ZNF225: variants seen among roughly 807,000 people sequenced by gnomAD.
ZNF225 encodes the protein zinc finger protein 225.
Under a neutral mutation model 12.0 loss-of-function variants are expected in ZNF225, and 6 were observed. That is an observed-to-expected ratio of 0.50 (90% CI 0.27 to 0.98). ZNF225 has a LOEUF of 0.98. Ranked by LOEUF, ZNF225 falls within the 50% of genes least tolerant of loss-of-function variation. The pLI, the probability that ZNF225 is intolerant of heterozygous loss-of-function variation, is 0.11. For synonymous variants in ZNF225, 271 were observed against 283.2 expected, an observed-to-expected ratio of 0.96 and a Z score of 0.43; for missense variants, 763 against 848.2, an observed-to-expected ratio of 0.90 and a Z score of 1.25.
chr19:44,130,950 C>G lies in ZNF225; in HGVS notation c.336C>G (p.Thr112=). Residue 112 remains threonine (T), a synonymous_variant, in exon 5 of 5, where the codon ACC becomes ACG. Coordinates refer to ENST00000262894, the MANE Select transcript of ZNF225 (RefSeq NM_013362.4). ...QTWEQISSDL[T]RFQDSMVNSF... is the part of the protein sequence containing the mutation. ...GGGAACAAATTTCAAGTGACTTAAC[C>G]AGGTTTCAAGACTCCATGGTAAACA... 1 of 1,614,046 alleles carries G rather than the reference C, an allele frequency of 6.2e-7. No homozygotes were observed. The highest frequency in any genetic ancestry group is 8.5e-7 in the Non-Finnish European group (1 of 1,179,998).
At chr19:44,130,649 G>A (rs1265438399) in intron 4 of ZNF225, 9 of 447,718 alleles carry the variant, frequency 2.0e-5, no homozygotes, top group Non-Finnish European at 3.0e-5. Flanking sequence ...TGCAGTGAGC[G>A]GAGATCACGC....
chr19:44,114,304 A>C (rs1967894174), intron 1 of ZNF225: 3 of 544,850 alleles, frequency 5.5e-6, no homozygotes, highest in Non-Finnish European at 1.0e-5. Context: ...TGTTGCTTTC[A>C]GTTGTCATGT....
In ZNF225 at chr19:44,122,077, A is replaced by G. The variant is rs942488234; in HGVS notation, c.235+3503A>G. 1.3e-4 allele frequency among the ~76,000 whole-genome samples: 20 copies of G among 152,314 alleles called. No homozygotes were observed. The East Asian group carries it at 3.5e-3, about 26-fold the overall frequency. ...GATCATGAAATCCTTGCCTAAGCCA[A>G]TGTCTAGAAGGATTTTTCCAATGTT... On this transcript the variant is annotated intron_variant, in intron 4 of 4. Transcript: ENST00000262894.
intron 4 of ZNF225, among the ~76,000 whole-genome samples, chr19:44,121,101 G>T (rs1968047746): frequency 6.6e-6 from 1 of 152,076 alleles, no homozygotes; most frequent in South Asian, 2.1e-4. Flanking sequence ...GTTTTACCGT[G>T]TTAGCCAGGA....
intron 4 of ZNF225, among the ~76,000 whole-genome samples, 161 bp downstream of exon 4, chr19:44,118,735 C>T (rs1401260053): frequency 6.6e-6 from 1 of 152,190 alleles, no homozygotes; most frequent in Non-Finnish European, 1.5e-5. Context: ...TTTTCCCACC[C>T]TGACATCTGT....
intron 4 of ZNF225, chr19:44,130,551 A>T: frequency 4.1e-6 from 1 of 244,904 alleles, no homozygotes; most frequent in Non-Finnish European, 7.9e-6. Context: ...ACAAAAAATT[A>T]GCTGGGCGTG....
In ZNF225 at chr19:44,130,858, A is replaced by T; in HGVS notation, c.244A>T (p.Ile82Phe). ...ATTCTGTGTCATTATAGGAGGCAAG[A>T]TCCAAATGGAGATGGAGACTGTTTC... ...TQREGNLGGKIQMEMETVSES... is the reference protein window; with the variant it reads ...TQREGNLGGKFQMEMETVSES... Residue 82 changes from isoleucine to phenylalanine, a missense_variant, in exon 5 of 5, where the codon ATC becomes TTC. Ile to Phe is a conservative substitution (Grantham distance 21, BLOSUM62 0). Transcript: ENST00000262894. 6.2e-7 allele frequency: 1 copy of T among 1,609,786 alleles called. No individual in the cohort carries two copies. Among genetic ancestry groups the T allele is most frequent in the African/African-American group, 1.3e-5 (1 of 74,894 alleles).
In ZNF225 at chr19:44,131,214, G is replaced by A. The variant is rs1968249418; in HGVS notation, c.600G>A (p.Gly200=). The change falls in exon 5 of 5, where the codon GGG becomes GGA. Residue 200 remains glycine (G), a synonymous_variant. Coordinates refer to ENST00000262894, the MANE Select transcript of ZNF225 (RefSeq NM_013362.4). ...GTATTCATCAGAGAGTTCACATGGG[G>A]GAGAAACTCTATAATTGTGATGTGT... ...ALRIHQRVHM[G]EKLYNCDVCG... is the part of the protein sequence containing the mutation. 1 of 1,614,158 alleles carries A rather than the reference G, an allele frequency of 6.2e-7. No homozygotes were observed. Among genetic ancestry groups the A allele is most frequent in the Non-Finnish European group, 8.5e-7 (1 of 1,180,032 alleles).
chr19:44,131,525 A>G lies in ZNF225; in HGVS notation c.911A>G (p.Asn304Ser), dbSNP rs1968258582. Residue 304 changes from asparagine to serine, a missense_variant, in exon 5 of 5, where the codon AAT (asparagine) becomes AGT (serine). By Grantham distance (46) the Asn-to-Ser change is conservative. Transcript: ENST00000262894. ...AGCTTCCGTAGTAGAGCAAATCTTAATAGGCATTCCATGGTTCACATGCGA... is the reference window on the plus strand; with the variant it reads ...AGCTTCCGTAGTAGAGCAAATCTTAGTAGGCATTCCATGGTTCACATGCGA... Reference protein sequence around the residue: ...CKSFRSRANLNRHSMVHMREK... With the variant: ...CKSFRSRANLSRHSMVHMREK... 3.7e-6 allele frequency: 6 copies of G among 1,614,202 alleles called. No individual in the cohort carries two copies. The East Asian group carries it at 1.3e-4, about 36-fold the overall frequency.
At chr19:44,115,688 A>T (rs550957845) in intron 1 of ZNF225, 72 bp from the exon 2 acceptor site, 1 of 717,012 alleles carries the variant, frequency 1.4e-6, no homozygotes, top group Non-Finnish European at 2.2e-6. Flanking sequence ...TACAATACAC[A>T]TTCGTGTTGG....
rs1023917144 is a variant in ZNF225, at chr19:44,132,779, G to C, written c.*44G>C. On this transcript the variant is annotated 3_prime_UTR_variant, in exon 5 of 5. Transcript: ENST00000262894. ...GGGTACAGTGTGATAGTTAATGCAA[G>C]TATACAATGTGTAATGATCAAATCA... 2 of 1,411,278 alleles carry C rather than the reference G, an allele frequency of 1.4e-6. No individual in the cohort carries two copies. Among genetic ancestry groups the C allele is most frequent in the African/African-American group, 2.9e-5 (2 of 69,096 alleles). The allele number at this position is 1,411,278 out of a possible 1,614,324, so 87.4% of individuals were successfully genotyped here. A position where few individuals can be genotyped will look rare whatever the true frequency, so the allele number is the denominator to read the frequency against.
rs1412203539 is a variant in ZNF225 at position 44,132,747 on chromosome 19, A to G, written c.*12A>G. 1.3e-6 allele frequency: 2 copies of G among 1,548,584 alleles called. No individual in the cohort carries two copies. Among genetic ancestry groups the G allele is most frequent in the African/African-American group, 2.7e-5 (2 of 72,860 alleles). On this transcript the variant is annotated 3_prime_UTR_variant, in exon 5 of 5. Transcript: ENST00000262894. ...TAAATGACACATAACTGTTGTACTC[A>G]TTTATGGGGTACAGTGTGATAGTTA...
At chr19:44,126,412 A>G (rs570479829) in intron 4 of ZNF225, among the ~76,000 whole-genome samples, 2 of 152,302 alleles carry the variant, frequency 1.3e-5, no homozygotes, top group East Asian at 1.9e-4. Flanking sequence ...TCTCTCAACC[A>G]TAGATATCAG....
intron 4 of ZNF225, among the ~76,000 whole-genome samples, chr19:44,121,808 A>G (rs1403606888): frequency 2.0e-5 from 3 of 152,026 alleles, no homozygotes; most frequent in African/African-American, 7.2e-5. Context: ...AAAATTGTCT[A>G]TTCATGTTCT....
rs1360861782 is a variant in ZNF225, at chr19:44,132,899, T to TTGTTAATTAC, written c.*168_*177dup. On this transcript the variant is annotated 3_prime_UTR_variant, in exon 5 of 5. Coordinates refer to ENST00000262894, the MANE Select transcript of ZNF225 (RefSeq NM_013362.4). ...GTCCTAGCTATTTGAAAATAATACGTTGTTAATTACTGTCACCCTGTAGTG... is the reference window on the plus strand; with the variant it reads ...GTCCTAGCTATTTGAAAATAATACGTTGTTAATTACTGTTAATTACTGTCACCCTGTAGTG... 1 of 632,600 alleles carries TTGTTAATTAC rather than the reference T, an allele frequency of 1.6e-6. No individual in the cohort carries two copies. The highest frequency in any genetic ancestry group is 1.8e-5 in the African/African-American group (1 of 54,140). 39.2% of individuals were successfully genotyped at this position (632,600 alleles called of 1,614,324 possible).
intron 4 of ZNF225, chr19:44,128,845 G>A (rs1968195071): frequency 2.5e-6 from 1 of 393,830 alleles, no homozygotes; most frequent in Non-Finnish European, 4.5e-6. Context: ...AGTCTGTAGT[G>A]TTTATTTTGA....
chr19:44,132,129 C>G lies in ZNF225; in HGVS notation c.1515C>G (p.Val505=). Residue 505 remains valine, a synonymous_variant, in exon 5 of 5, where the codon GTC becomes GTG. Transcript: ENST00000262894. ...QNSQLYTHRR[V]HSGEKPFKCE... ...CACAACTTTATACCCATCGTAGAGTCCACAGTGGAGAAAAACCATTCAAAT... is the reference window on the plus strand; with the variant it reads ...CACAACTTTATACCCATCGTAGAGTGCACAGTGGAGAAAAACCATTCAAAT... 1.9e-6 allele frequency: 3 copies of G among 1,614,030 alleles called. No individual in the cohort carries two copies. The highest frequency in any genetic ancestry group is 2.5e-6 in the Non-Finnish European group (3 of 1,179,964).
In ZNF225 at chr19:44,132,515, G is replaced by C. The variant is rs369104374; in HGVS notation, c.1901G>C (p.Arg634Thr). The C allele has an allele frequency of 1.4e-5, 23 of 1,614,040 alleles. No homozygotes were observed. Among genetic ancestry groups the C allele is most frequent in the African/African-American group, 2.7e-5 (2 of 74,930 alleles). The stretch of plus-strand genomic sequence containing the variant: ...TGTGAGAAGTGTGGAAAGAGCTTCA[G>C]ATGGGCCTCAACTCATCTAACCCAT... ...YKCEKCGKSF[R>T]WASTHLTHQR... Residue 634 changes from arginine (R) to threonine (T), a missense_variant, in exon 5 of 5, where the codon AGA (arginine) becomes ACA (threonine). Arg to Thr is a moderately conservative substitution (Grantham distance 71, BLOSUM62 -1). Transcript: ENST00000262894.
intron 4 of ZNF225, chr19:44,129,944 C>G (rs951966600): frequency 6.6e-6 from 1 of 152,208 alleles, no homozygotes; most frequent in African/African-American, 2.4e-5. Flanking sequence ...GATGTTATGG[C>G]TTCTCCTTAA....
Sources: gnomAD v4.1 joint callset for allele counts (sites outside exome capture counted in the v4.1 genomes callset) on GRCh38, gnomAD v4.1.1 for gene constraint, MANE v1.5 for transcripts, NCBI Gene and HGNC (gene_info 2026-07-23, HGNC 2026-07-21) for gene names.